KIF16B: variants seen among roughly 807,000 people sequenced by gnomAD.
The protein encoded by KIF16B is kinesin-like protein KIF16B.
In KIF16B, 98 loss-of-function variants were observed where a neutral mutation model predicts 156.3. That is an observed-to-expected ratio of 0.63 (90% confidence interval 0.53 to 0.74). The LOEUF (loss-of-function observed/expected upper bound fraction) is 0.74, where lower values mean the gene tolerates loss of function less well. Ranked by LOEUF, KIF16B falls within the 30% of genes least tolerant of loss-of-function variation. The pLI is 0.00. For synonymous variants in KIF16B, 564 were observed against 583.7 expected, an observed-to-expected ratio of 0.97 and a Z score of 0.49; for missense variants, 1,421 against 1,606.5, an observed-to-expected ratio of 0.88 and a Z score of 1.97.
At chr20:16,441,727 T>C (rs909082938) in intron 12 of KIF16B, among the ~76,000 whole-genome samples, 3 of 152,096 alleles carry the variant, frequency 2.0e-5, no homozygotes, top group Non-Finnish European at 2.9e-5. Flanking sequence ...GGGTGCACTT[T>C]GAGAATGCTC....
At chr20:16,292,917 A>G (rs1219866865) in intron 25 of KIF16B, among the ~76,000 whole-genome samples, 2 of 152,260 alleles carry the variant, frequency 1.3e-5, no homozygotes, top group African/African-American at 4.8e-5. Flanking sequence ...CAAAGAAAGA[A>G]TCAGGTGGAC....
Position 16,313,066 on chromosome 20 carries a change from T to C in KIF16B, c.3712-648A>G, listed in dbSNP as rs186135589. ...TCTCTTATGCTTTTCCTCTTGAATG[T>C]ACAAAAATTATAAACAATAAGTTTT... is the stretch of plus-strand genomic sequence containing the variant. On this transcript the variant is annotated intron_variant, in intron 24 of 25. Transcript: ENST00000354981. Among the ~76,000 whole-genome samples the C allele has an allele frequency of 1.2e-4, 19 of 152,334 alleles. No homozygotes were observed. The East Asian group carries it at 2.9e-3, about 23-fold the overall frequency.
chr20:16,308,600 C>T (rs892411716), intron 25 of KIF16B, among the ~76,000 whole-genome samples: 1 of 152,206 alleles, frequency 6.6e-6, no homozygotes, highest in Non-Finnish European at 1.5e-5. Context: ...TAGGCCTTCA[C>T]CTGTAAGATG....
chr20:16,335,773 G>C (rs1199955882), intron 24 of KIF16B, among the ~76,000 whole-genome samples, 153 bp downstream of exon 24: 4 of 152,162 alleles, frequency 2.6e-5, no homozygotes, highest in African/African-American at 9.7e-5. Flanking sequence ...AGTTATCTTT[G>C]ATAAATGGGT....
At chr20:16,503,396 C>T (rs1201467106) in intron 10 of KIF16B, among the ~76,000 whole-genome samples, 1 of 152,142 alleles carries the variant, frequency 6.6e-6, no homozygotes, top group Non-Finnish European at 1.5e-5. Flanking sequence ...CAACTGCTGT[C>T]CACCATCTTG....
At chr20:16,351,990 C>CA (rs2064347248) in intron 23 of KIF16B, among the ~76,000 whole-genome samples, 1 of 152,206 alleles carries the variant, frequency 6.6e-6, no homozygotes, top group Non-Finnish European at 1.5e-5. Context: ...CAAAACATTA[C>CA]ATTAAAGGAA....
chr20:16,410,687 C>T (rs2065931446), intron 15 of KIF16B, among the ~76,000 whole-genome samples: 1 of 152,090 alleles, frequency 6.6e-6, no homozygotes, highest in East Asian at 1.9e-4. Context: ...TGCTTAGCAT[C>T]ACCATCATTC....
chr20:16,555,999 C>T (rs2070834652), intron 1 of KIF16B, among the ~76,000 whole-genome samples: 1 of 152,184 alleles, frequency 6.6e-6, no homozygotes, highest in African/African-American at 2.4e-5. Context: ...ACAAGGTTCC[C>T]TTGGGGAAAA....
At chr20:16,369,357 T>C (rs1020318232) in intron 22 of KIF16B, 15 of 893,118 alleles carry the variant, frequency 1.7e-5, no homozygotes, top group African/African-American at 1.3e-4. Flanking sequence ...ATTGGTTTCA[T>C]TGGGTAGATT....
chr20:16,497,061 T>C (rs1228048198), intron 11 of KIF16B, among the ~76,000 whole-genome samples: 1 of 152,160 alleles, frequency 6.6e-6, no homozygotes, highest in Non-Finnish European at 1.5e-5. Context: ...AACTGGTTTT[T>C]CAAAGGCATG....
chr20:16,522,808 TAACA>T lies in KIF16B; in HGVS notation c.231+3280_231+3283del, dbSNP rs371536634. Among the ~76,000 whole-genome samples the T allele has an allele frequency of 9.1e-3, 1,387 of 152,242 alleles. 10 individuals are homozygous for T. The highest frequency in any genetic ancestry group is 0.017 in the Middle Eastern group (5 of 294). ...AGCAAATGCAAAAGAATGGATATCCTAACAAACAGTCTCTCAAACCACACTGCAA... is the reference window on the plus strand; with the variant it reads ...AGCAAATGCAAAAGAATGGATATCCTAACAGTCTCTCAAACCACACTGCAA... On this transcript the variant is annotated intron_variant, in intron 3 of 25. Transcript: ENST00000354981.
rs189449641 is a variant in KIF16B, at chr20:16,367,009, A to G, written c.3498+3577T>C. ...GATATTTAAAATATTTACATTTTCA[A>G]TTTTAGAGGTCTGCATTTTTCCAGT... is the stretch of plus-strand genomic sequence containing the variant. On this transcript the variant is annotated intron_variant, in intron 22 of 25. Transcript: ENST00000354981. 259 of 1,328,684 alleles carry G rather than the reference A, an allele frequency of 1.9e-4. 1 individual carries two copies. The Middle Eastern group carries it at 2.3e-3, about 12-fold the overall frequency. 82.3% of individuals were successfully genotyped at this position (1,328,684 alleles called of 1,614,324 possible). A position where few individuals can be genotyped will look rare whatever the true frequency, so the allele number is the denominator to read the frequency against.
intron 12 of KIF16B, among the ~76,000 whole-genome samples, chr20:16,458,110 A>G (rs893160115): frequency 6.6e-6 from 1 of 152,186 alleles, no homozygotes; most frequent in Non-Finnish European, 1.5e-5. Context: ...GAGCCACTTT[A>G]CTGCCAAAAT....
At chr20:16,331,446 T>C (rs924235709) in intron 24 of KIF16B, among the ~76,000 whole-genome samples, 1 of 152,228 alleles carries the variant, frequency 6.6e-6, no homozygotes, top group Admixed American at 6.5e-5. Context: ...CAGAAGAGTC[T>C]ATCTTGGCAA....
intron 17 of KIF16B, among the ~76,000 whole-genome samples, chr20:16,391,156 G>A (rs968283600): frequency 6.6e-6 from 1 of 152,164 alleles, no homozygotes; most frequent in African/African-American, 2.4e-5. Context: ...CACAGAGGAA[G>A]CTATACAGAG....
intron 25 of KIF16B, among the ~76,000 whole-genome samples, chr20:16,311,041 A>C (rs2063612486): frequency 6.6e-6 from 1 of 152,246 alleles, no homozygotes; most frequent in Non-Finnish European, 1.5e-5. Flanking sequence ...AGTGGCATTA[A>C]GTGCATGCCA....
intron 12 of KIF16B, among the ~76,000 whole-genome samples, chr20:16,445,419 CGTGTGTGTGT>C (rs11467171): frequency 3.9e-4 from 57 of 146,866 alleles, no homozygotes; most frequent in African/African-American, 1.4e-3. Context: ...CATGTATATA[CGTGTGTGTGT>C]GTGTGTGTGT....
At chr20:16,297,649 T>C (rs1386969621) in intron 25 of KIF16B, among the ~76,000 whole-genome samples, 2 of 145,348 alleles carry the variant, frequency 1.4e-5, no homozygotes, top group Non-Finnish European at 3.0e-5. Context: ...TGAGCCTAGA[T>C]CGCACTGTTG....
rs1289750870 is a variant in KIF16B at position 16,498,710 on chromosome 20, G to A, written c.1177-1032C>T. Among the ~76,000 whole-genome samples the A allele has an allele frequency of 3.3e-5, 5 of 151,852 alleles. No homozygotes were observed. The East Asian group carries it at 9.8e-4, about 30-fold the overall frequency. ...ATGTGGTATTCTTAATCTTTCAGGAGGACTATCCTTATGCCCACTGCCTAC... is the reference window on the plus strand; with the variant it reads ...ATGTGGTATTCTTAATCTTTCAGGAAGACTATCCTTATGCCCACTGCCTAC... On this transcript the variant is annotated intron_variant, in intron 10 of 25. Transcript: ENST00000354981.
Sources: gnomAD v4.1 joint callset for allele counts (sites outside exome capture counted in the v4.1 genomes callset) on GRCh38, gnomAD v4.1.1 for gene constraint, MANE v1.5 for transcripts, NCBI Gene and HGNC (gene_info 2026-07-23, HGNC 2026-07-21) for gene names.